The following WDR49 variants were observed in gnomAD, a reference collection of about 807,000 sequenced individuals.
WDR49 encodes cilia- and flagella-associated protein 337.
In WDR49, 107 loss-of-function variants were observed where a neutral mutation model predicts 119.5. The ratio of observed to expected loss-of-function variants is 0.90; its 90% CI spans 0.77 to 1.05. WDR49 has a LOEUF of 1.05. Ranked by LOEUF, WDR49 falls within the 50% of genes least tolerant of loss-of-function variation. The pLI is 0.00. For synonymous variants in WDR49, 425 were observed against 418.8 expected, an observed-to-expected ratio of 1.01 and a Z score of -0.18; for missense variants, 1,240 against 1,220.5, an observed-to-expected ratio of 1.02 and a Z score of -0.24.
At chr3:167,551,378 T>C (rs1213341453) in intron 10 of WDR49, among the ~76,000 whole-genome samples, 3 of 152,076 alleles carry the variant, frequency 2.0e-5, no homozygotes, top group Admixed American at 6.6e-5. Context: ...TGAGTTGTTG[T>C]TAAGTTGCTA....
intron 5 of WDR49, among the ~76,000 whole-genome samples, chr3:167,614,035 C>T (rs986653944): frequency 2.6e-5 from 4 of 152,098 alleles, no homozygotes; most frequent in South Asian, 2.1e-4. Context: ...ACATTTTCAA[C>T]GCAATAAAAT....
intron 18 of WDR49, among the ~76,000 whole-genome samples, chr3:167,485,130 C>T (rs551749381): frequency 2.0e-3 from 303 of 151,964 alleles, no homozygotes; most frequent in African/African-American, 7.0e-3. Context: ...ACTCATAAGT[C>T]GGAGTTGAAC....
chr3:167,597,016 T>C (rs1217837940), intron 7 of WDR49, among the ~76,000 whole-genome samples: 1 of 150,844 alleles, frequency 6.6e-6, no homozygotes, highest in Non-Finnish European at 1.5e-5. Flanking sequence ...TGCAGAAATT[T>C]ACATAAGTAA....
chr3:167,500,429 A>C, intron 17 of WDR49, 130 bp from the exon 18 acceptor site: 1 of 1,084,890 alleles, frequency 9.2e-7, no homozygotes, highest in East Asian at 2.7e-5. Context: ...CAGCTGGTAC[A>C]GCTGCAGTGA....
intron 10 of WDR49, among the ~76,000 whole-genome samples, chr3:167,545,213 C>T (rs1342277324): frequency 5.9e-5 from 9 of 151,422 alleles, no homozygotes; most frequent in Non-Finnish European, 7.4e-5. Flanking sequence ...TTGGCATGGA[C>T]GTGGTGAAAA....
intron 2 of WDR49, among the ~76,000 whole-genome samples, chr3:167,634,333 T>G (rs1359767453): frequency 2.6e-5 from 4 of 151,944 alleles, no homozygotes; most frequent in Non-Finnish European, 1.5e-5. Context: ...TTTTGCTACA[T>G]CTATTTAACT....
At chr3:167,484,753 T>C (rs1750858309) in intron 18 of WDR49, among the ~76,000 whole-genome samples, 1 of 151,638 alleles carries the variant, frequency 6.6e-6, no homozygotes, top group Non-Finnish European at 1.5e-5. Flanking sequence ...TCAAATTTCC[T>C]GTGGTTTGTG....
chr3:167,620,413 T>G lies in WDR49; in HGVS notation c.958+16A>C. The G allele has an allele frequency of 6.5e-7, 1 of 1,530,568 alleles. No individual in the cohort carries two copies. The highest frequency in any genetic ancestry group is 8.7e-7 in the Non-Finnish European group (1 of 1,143,358). 94.8% of individuals were successfully genotyped at this position (1,530,568 alleles called of 1,614,324 possible). On this transcript the variant is annotated intron_variant, in intron 5 of 18. Transcript: ENST00000682715. Reference sequence around the variant, plus strand: ...AGAGGTGACCATTTACTTTCATTACTGTTCAAATTCAATACCTTGCCTGAC... The same window carrying G: ...AGAGGTGACCATTTACTTTCATTACGGTTCAAATTCAATACCTTGCCTGAC...
rs57719248 is a variant in WDR49, at chr3:167,488,145, AACACACACACAC to A, written c.3032-9161_3032-9150del. 9.2e-3 allele frequency among the ~76,000 whole-genome samples: 1,253 copies of A among 136,266 alleles called. 21 individuals are homozygous for A. Among genetic ancestry groups the A allele is most frequent in the African/African-American group, 0.025 (932 of 37,680 alleles). 89.4% of individuals were successfully genotyped at this position (136,266 alleles called of 152,430 possible). A position where few individuals can be genotyped will look rare whatever the true frequency, so the allele number is the denominator to read the frequency against. On this transcript the variant is annotated intron_variant, in intron 18 of 18. Coordinates refer to ENST00000682715, the MANE Select transcript of WDR49 (RefSeq NM_001366157.1). ...GGATAAAGAAAATGTGATACACTCA[AACACACACACAC>A]ACACACACACACACACACACACACA...
intron 9 of WDR49, among the ~76,000 whole-genome samples, chr3:167,557,704 G>A (rs1278453548): frequency 6.7e-6 from 1 of 148,740 alleles, no homozygotes; most frequent in Non-Finnish European, 1.5e-5. Context: ...AGTGAGCTGA[G>A]ATCGTGCCAC....
chr3:167,546,884 T>C (rs1712237541), intron 10 of WDR49, among the ~76,000 whole-genome samples: 1 of 151,826 alleles, frequency 6.6e-6, no homozygotes, highest in Non-Finnish European at 1.5e-5. Context: ...ATGCCTGTTC[T>C]TCAATTCATT....
intron 9 of WDR49, 26 bp from the exon 10 acceptor site, chr3:167,554,824 T>C (rs1031220112): frequency 2.6e-6 from 4 of 1,538,626 alleles, no homozygotes; most frequent in South Asian, 1.2e-5. Flanking sequence ...TAAAACCACT[T>C]TGAGACAGGA....
At chr3:167,586,579 A>C (rs746651376) in intron 7 of WDR49, among the ~76,000 whole-genome samples, 3 of 152,214 alleles carry the variant, frequency 2.0e-5, no homozygotes, top group Non-Finnish European at 4.4e-5. Context: ...TTGAAAACAT[A>C]ATGTGTTTTC....
At position 167,531,148 on chromosome 3, in the gene WDR49, A is replaced by G; in HGVS notation, c.2185T>C (p.Phe729Leu). ...EGKNAVMRLC[F>L]LKARKNTAVT... ...GCAGTGTTTTTTCTTGCTTTAAGAA[A>G]GCAAAGTCTCATAACAGCATTTTTG... is the stretch of plus-strand genomic sequence containing the variant. Residue 729 changes from phenylalanine to leucine, a missense_variant, in exon 13 of 19, where the codon TTT becomes CTT. Phe to Leu is a conservative substitution (Grantham distance 22). Coordinates refer to ENST00000682715, the MANE Select transcript of WDR49 (RefSeq NM_001366157.1). The G allele has an allele frequency of 6.2e-7, 1 of 1,612,346 alleles. No individual in the cohort carries two copies. Among genetic ancestry groups the G allele is most frequent in the Non-Finnish European group, 8.5e-7 (1 of 1,179,412 alleles).
chr3:167,515,592 C>G (rs1488752244), intron 16 of WDR49, among the ~76,000 whole-genome samples: 1 of 152,158 alleles, frequency 6.6e-6, no homozygotes. Flanking sequence ...CAAAGATGCC[C>G]TTTCTCACCA....
At chr3:167,515,712 G>T (rs1331228716) in intron 16 of WDR49, among the ~76,000 whole-genome samples, 2 of 152,128 alleles carry the variant, frequency 1.3e-5, no homozygotes, top group African/African-American at 4.8e-5. Context: ...CTGTTTGCAG[G>T]TGACATGATA....
intron 7 of WDR49, among the ~76,000 whole-genome samples, chr3:167,582,993 TAGAGAGAGAAAGAG>T (rs1714627940): frequency 6.8e-6 from 1 of 147,974 alleles, no homozygotes; most frequent in Non-Finnish European, 1.5e-5. Flanking sequence ...CACACACAGA[TAGAGAGAGAAAGAG>T]AGAGAGAGAG....
chr3:167,565,824 G>A, intron 8 of WDR49, among the ~76,000 whole-genome samples: 1 of 151,362 alleles, frequency 6.6e-6, no homozygotes, highest in East Asian at 1.9e-4. Flanking sequence ...AAGAACTAGG[G>A]AACAAATTTC....
chr3:167,516,786 A>C (rs1752225527), intron 16 of WDR49, among the ~76,000 whole-genome samples: 1 of 152,228 alleles, frequency 6.6e-6, no homozygotes, highest in Non-Finnish European at 1.5e-5. Flanking sequence ...GGCAACCTAC[A>C]GAATGGGAGA....
Sources: allele counts gnomAD v4.1 joint callset (sites outside exome capture counted in the v4.1 genomes callset), GRCh38; gene constraint gnomAD v4.1.1; transcripts MANE v1.5; gene names NCBI Gene and HGNC (gene_info 2026-07-23, HGNC 2026-07-21).